The following RPGR variants were observed in gnomAD, a reference collection of about 807,000 sequenced individuals.
RPGR encodes the protein X-linked retinitis pigmentosa GTPase regulator.
Under a neutral mutation model 56.3 loss-of-function variants are expected in RPGR, and 10 were observed. The observed-to-expected ratio is 0.18, with a 90% CI of 0.11 to 0.30. The LOEUF (loss-of-function observed/expected upper bound fraction) is 0.30, where lower values mean the gene tolerates loss of function less well. Among genes scored for constraint, RPGR ranks in the 10% least tolerant of loss-of-function variants. The pLI, the probability that RPGR is intolerant of heterozygous loss-of-function variation, is 1.00. For missense variants in RPGR, 538 were observed against 590.9 expected (o/e 0.91, Z 0.93); for synonymous variants, 197 against 212.9 (o/e 0.93, Z 0.65).
At chrX:38,285,302 T>C in intron 15 of RPGR, 1 of 1,049,535 alleles carries the variant, frequency 9.5e-7, no homozygotes, top group Non-Finnish European at 1.2e-6. Context: ...TATTTTCTAG[T>C]TATGTTTTTA....
intron 15 of RPGR, among the ~76,000 whole-genome samples, chrX:38,281,248 T>C (rs1349855145): frequency 1.8e-5 from 2 of 112,814 alleles, no homozygotes; most frequent in Non-Finnish European, 3.7e-5. Context: ...CTATACCTTA[T>C]GTGCTAATTA....
intron 4 of RPGR, among the ~76,000 whole-genome samples, chrX:38,320,435 A>C (rs1235863410): frequency 8.9e-6 from 1 of 112,208 alleles, no homozygotes; most frequent in Non-Finnish European, 1.9e-5. Flanking sequence ...GGGCATATAC[A>C]TATGGGTCTA....
intron 15 of RPGR, chrX:38,285,072 G>T: frequency 1.4e-6 from 1 of 728,133 alleles, no homozygotes; most frequent in Admixed American, 8.3e-5. Context: ...TCCATTATTA[G>T]AAAATTATTC....
chrX:38,320,278 C>T (rs867321336), intron 4 of RPGR, among the ~76,000 whole-genome samples: 1 of 3,780 alleles, frequency 2.6e-4, no homozygotes, highest in African/African-American at 1.1e-3. Flanking sequence ...GGGGGAGGGG[C>T]GGGGCAAGGG....
intron 1 of RPGR, chrX:38,327,059 T>TAAAA: frequency 3.8e-6 from 1 of 263,373 alleles, no homozygotes; most frequent in South Asian, 9.5e-5. Context: ...CTCCGTCTCA[T>TAAAA]AAAAAAAAAA....
chrX:38,310,717 T>C lies in RPGR; in HGVS notation c.676A>G (p.Asn226Asp). The C allele has an allele frequency of 1.7e-6, 2 of 1,210,440 alleles. No homozygotes were observed. Among genetic ancestry groups the C allele is most frequent in the Non-Finnish European group, 2.2e-6 (2 of 894,829 alleles). The stretch of plus-strand genomic sequence containing the variant: ...GTTCTGTGATTGCCCAGGAGCTGAT[T>C]GGGAAGACCTAACTTCCCATTCTCA... Residue 226 changes from asparagine (N) to aspartate (D), a missense_variant, in exon 7 of 19, where the codon AAT (asparagine) becomes GAT (aspartate). Asn to Asp is a conservative substitution (Grantham distance 23). This residue lies in a region of RPGR where 181 missense variants were observed against 265.1 expected (regional missense o/e 0.68). Transcript: ENST00000642395.
intron 15 of RPGR, chrX:38,285,528 A>T (rs751874121): frequency 1.3e-5 from 16 of 1,211,320 alleles, no homozygotes; most frequent in Non-Finnish European, 1.8e-5. Flanking sequence ...ATCGGGTCAC[A>T]TTTAAGGTTT....
intron 10 of RPGR, among the ~76,000 whole-genome samples, chrX:38,298,075 C>T (rs1460020909): frequency 9.1e-6 from 1 of 110,260 alleles, no homozygotes; most frequent in African/African-American, 3.3e-5. Context: ...CGAGACCAGC[C>T]TGGCCAGCAT....
intron 1 of RPGR, chrX:38,327,031 T>C: frequency 3.6e-6 from 1 of 275,190 alleles, no homozygotes; most frequent in Non-Finnish European, 6.3e-6. Flanking sequence ...CACTCCAGCC[T>C]GGGCAACAAG....
chrX:38,274,682 G>A (rs1398579848), intron 17 of RPGR, among the ~76,000 whole-genome samples: 5 of 111,304 alleles, frequency 4.5e-5, no homozygotes, highest in Non-Finnish European at 9.4e-5. Context: ...AGGTGTAGTG[G>A]CACACGCCTG....
intron 9 of RPGR, 140 bp downstream of exon 9, chrX:38,301,106 CT>C (rs2067493009): frequency 1.9e-6 from 1 of 538,066 alleles, no homozygotes; most frequent in African/African-American, 2.4e-5. Context: ...TGACATTTGG[CT>C]TTTAGGAAAC....
intron 11 of RPGR, among the ~76,000 whole-genome samples, chrX:38,295,556 G>T (rs1202029714): frequency 8.9e-6 from 1 of 112,080 alleles, no homozygotes; most frequent in Non-Finnish European, 1.9e-5. Flanking sequence ...ACTACATACT[G>T]CTTGCCAGAA....
At chrX:38,272,677 T>C (rs1456666565) in intron 18 of RPGR, 1 of 109,974 alleles carries the variant, frequency 9.1e-6, no homozygotes, top group Admixed American at 9.7e-5. Context: ...CATAGAGAAA[T>C]GGCAGGTTAT....
In RPGR at chrX:38,294,859, T is replaced by C. The variant is rs552322303; in HGVS notation, c.1414+2425A>G. ...CTCTTTTCTTTTTCTTTTCTCCATCTCCACTGCAAACACCTTGGTCCATAC... is the reference window on the plus strand; with the variant it reads ...CTCTTTTCTTTTTCTTTTCTCCATCCCCACTGCAAACACCTTGGTCCATAC... On this transcript the variant is annotated intron_variant, in intron 11 of 18. Coordinates refer to ENST00000642395, the MANE Select transcript of RPGR (RefSeq NM_000328.3). Among the ~76,000 whole-genome samples the C allele has an allele frequency of 3.1e-4, 35 of 111,954 alleles. 1 individual carries two copies. In the South Asian group the frequency reaches 0.012, roughly 39 times the overall value.
rs192164264 is a variant in RPGR, at chrX:38,294,795, C to T, written c.1414+2489G>A. On this transcript the variant is annotated intron_variant, in intron 11 of 18. Transcript: ENST00000642395. ...GGTGCATTAATAAGTTTAGCAAGTC[C>T]GGTTGGTTTTTATGTCTATAATGTA... Among the ~76,000 whole-genome samples the T allele has an allele frequency of 1.5e-3, 169 of 112,319 alleles. 1 individual carries two copies. The highest frequency in any genetic ancestry group is 5.3e-3 in the African/African-American group (165 of 30,935).
rs1239500843 is a variant in RPGR, at chrX:38,273,623, C to T, written c.2150-146G>A. ...GGAGTAGTGGACAACATCTACACTG[C>T]ATATTTCCTGAAAAGTTGAGTTAAA... On this transcript the variant is annotated intron_variant, in intron 17 of 18. Coordinates refer to ENST00000642395, the MANE Select transcript of RPGR (RefSeq NM_000328.3). 3 of 402,076 alleles carry T rather than the reference C, an allele frequency of 7.5e-6. No homozygotes were observed. The African/African-American group carries it at 7.5e-5, about 10-fold the overall frequency. The allele number at this position is 402,076 out of a possible 1,213,427, so 33.1% of individuals were successfully genotyped here. A position where few individuals can be genotyped will look rare whatever the true frequency, so the allele number is the denominator to read the frequency against.
intron 1 of RPGR, among the ~76,000 whole-genome samples, chrX:38,325,013 T>C (rs1045081435): frequency 4.7e-5 from 5 of 105,907 alleles, no homozygotes; most frequent in African/African-American, 1.0e-4. Flanking sequence ...CGACTAAAAA[T>C]GCAAAAATTA....
chrX:38,272,903 T>G (rs1189040553), intron 18 of RPGR, among the ~76,000 whole-genome samples: 1 of 111,521 alleles, frequency 9.0e-6, no homozygotes, highest in Non-Finnish European at 1.9e-5. Flanking sequence ...GAATAAGAAT[T>G]CCAGAGGGGA....
rs1390787389 is a variant in RPGR, at chrX:38,289,200, G to GT, written c.1573-1160dup. On this transcript the variant is annotated intron_variant, in intron 13 of 18. Coordinates refer to ENST00000642395, the MANE Select transcript of RPGR (RefSeq NM_000328.3). Reference sequence around the variant, plus strand: ...GAACTGAAGAAACTGCACATGAGATGTTTTTTATCTATAAACTAAATAATA... The same window carrying GT: ...GAACTGAAGAAACTGCACATGAGATGTTTTTTTATCTATAAACTAAATAATA... Among the ~76,000 whole-genome samples, 3 of 111,945 alleles carry GT rather than the reference G, an allele frequency of 2.7e-5. No homozygotes were observed. The Admixed American group carries it at 2.8e-4, about 11-fold the overall frequency.
Sources: allele counts gnomAD v4.1 joint callset (sites outside exome capture counted in the v4.1 genomes callset), GRCh38; gene constraint gnomAD v4.1.1; regional missense constraint gnomAD v4.1.1; transcripts MANE v1.5; gene names NCBI Gene and HGNC (gene_info 2026-07-23, HGNC 2026-07-21).